DOCK10: variants seen among roughly 807,000 people sequenced by gnomAD.
DOCK10 encodes dedicator of cytokinesis 10.
In DOCK10, 145 loss-of-function variants were observed where a neutral mutation model predicts 280.1. The ratio of observed to expected loss-of-function variants is 0.52; its 90% CI spans 0.45 to 0.59. The LOEUF is 0.59. Ranked by LOEUF, DOCK10 falls within the 20% of genes least tolerant of loss-of-function variation. The pLI, the probability that DOCK10 is intolerant of heterozygous loss-of-function variation, is 0.00. For synonymous variants in DOCK10, 915 were observed against 942.2 expected (o/e 0.97, Z 0.53); for missense variants, 2,368 against 2,651.7 (o/e 0.89, Z 2.35).
chr2:224,844,305 T>A (rs1217919404), intron 22 of DOCK10, among the ~76,000 whole-genome samples: 1 of 152,090 alleles, frequency 6.6e-6, no homozygotes, highest in African/African-American at 2.4e-5. Context: ...TAATTTTGTA[T>A]TTTTAGTAGA....
rs1224130733 is a variant in DOCK10 at position 224,849,528 on chromosome 2, C to G, written c.2214G>C (p.Gln738His). 5 of 1,611,826 alleles carry G rather than the reference C, an allele frequency of 3.1e-6. No individual in the cohort carries two copies. The highest frequency in any genetic ancestry group is 4.2e-6 in the Non-Finnish European group (5 of 1,179,112). Residue 738 changes from glutamine (Q) to histidine (H), a missense_variant, in exon 19 of 56, where the codon CAG becomes CAC. By Grantham distance (24) the Gln-to-His change is conservative. This residue lies in a region of DOCK10 where 1,209 missense variants were observed against 1,250.9 expected (regional missense o/e 0.97). Transcript: ENST00000258390. ...AAYTAVLHHSQNPDFSDEVKI... is the reference protein window; with the variant it reads ...AAYTAVLHHSHNPDFSDEVKI... ...TTACCTCATCTGAGAAATCCGGATT[C>G]TGAGAGTGGTGCAGAACTGCTGTGT...
chr2:224,980,160 T>C (rs1330872179), intron 1 of DOCK10, among the ~76,000 whole-genome samples: 5 of 152,140 alleles, frequency 3.3e-5, no homozygotes, highest in Non-Finnish European at 5.9e-5. Flanking sequence ...TTTCTCAAAG[T>C]GTCATCCAAA....
At chr2:224,917,353 C>T (rs1469424197) in intron 2 of DOCK10, among the ~76,000 whole-genome samples, 3 of 151,956 alleles carry the variant, frequency 2.0e-5, no homozygotes, top group African/African-American at 4.8e-5. Flanking sequence ...GTAATCCACC[C>T]GCCTCGGCCT....
At chr2:224,957,231 G>GA (rs1202339938) in intron 1 of DOCK10, among the ~76,000 whole-genome samples, 1 of 149,654 alleles carries the variant, frequency 6.7e-6, no homozygotes, top group Non-Finnish European at 1.5e-5. Flanking sequence ...GGAGGGCAGG[G>GA]AAAAATCTCT....
chr2:224,855,780 C>T (rs1354080148), intron 15 of DOCK10, among the ~76,000 whole-genome samples: 2 of 152,204 alleles, frequency 1.3e-5, no homozygotes, highest in African/African-American at 4.8e-5. Context: ...TCAGAGTCAG[C>T]TCTTCTCAGC....
chr2:224,871,616 C>T (rs2125670805), intron 11 of DOCK10, among the ~76,000 whole-genome samples: 1 of 152,172 alleles, frequency 6.6e-6, no homozygotes, highest in East Asian at 1.9e-4. Flanking sequence ...CTTGGTATAC[C>T]CTTCACCTCC....
intron 2 of DOCK10, among the ~76,000 whole-genome samples, chr2:224,924,724 C>G (rs1386154215): frequency 6.6e-6 from 1 of 152,184 alleles, no homozygotes; most frequent in Non-Finnish European, 1.5e-5. Flanking sequence ...AGACCAGGGT[C>G]TCCACACACA....
At chr2:224,991,770 T>TA (rs553145411) in intron 1 of DOCK10, among the ~76,000 whole-genome samples, 2 of 151,948 alleles carry the variant, frequency 1.3e-5, no homozygotes, top group South Asian at 2.1e-4. Flanking sequence ...ATGGAAAACA[T>TA]AAAAAAAATC....
chr2:224,886,551 A>G lies in DOCK10; in HGVS notation c.417-20T>C. ...TCTGCTCTGATATTAAAAAAAAAAA[A>G]AGATTCTGATTTGTCATTGGAGACA... On this transcript the variant is annotated intron_variant, in intron 4 of 55. Coordinates refer to ENST00000258390, the MANE Select transcript of DOCK10 (RefSeq NM_014689.3). The G allele has an allele frequency of 6.3e-7, 1 of 1,576,512 alleles. No homozygotes were observed.
chr2:224,903,997 A>G (rs1013284877), intron 3 of DOCK10, among the ~76,000 whole-genome samples: 4 of 152,200 alleles, frequency 2.6e-5, no homozygotes, highest in African/African-American at 9.6e-5. Flanking sequence ...TAAATAATAC[A>G]TGCACTTGAA....
intron 50 of DOCK10, among the ~76,000 whole-genome samples, chr2:224,785,070 C>A (rs1287940569): frequency 7.3e-6 from 1 of 137,478 alleles, no homozygotes; most frequent in Non-Finnish European, 1.6e-5. Flanking sequence ...GCTCCCACAT[C>A]CCCTTCCCGA....
At chr2:224,878,392 G>C (rs1004527490) in intron 7 of DOCK10, among the ~76,000 whole-genome samples, 8 of 152,190 alleles carry the variant, frequency 5.3e-5, no homozygotes, top group Non-Finnish European at 1.5e-5. Flanking sequence ...TATATTGATA[G>C]CAAATGGTAG....
intron 1 of DOCK10, among the ~76,000 whole-genome samples, chr2:224,975,653 A>G (rs933006668): frequency 6.6e-6 from 1 of 152,238 alleles, no homozygotes; most frequent in Non-Finnish European, 1.5e-5. Context: ...CATAGTTTCC[A>G]TAGTATGTCC....
chr2:224,892,703 A>G (rs1699769840), intron 4 of DOCK10, among the ~76,000 whole-genome samples: 1 of 152,316 alleles, frequency 6.6e-6, no homozygotes, highest in Admixed American at 6.5e-5. Flanking sequence ...GAAACAGTGC[A>G]GGAGGGAGGG....
intron 4 of DOCK10, among the ~76,000 whole-genome samples, chr2:224,893,183 C>T (rs1400152959): frequency 6.6e-6 from 1 of 152,186 alleles, no homozygotes; most frequent in Non-Finnish European, 1.5e-5. Flanking sequence ...TAAATTCCCT[C>T]TCAGTTTCCG....
chr2:224,953,949 T>G (rs1378362607), intron 1 of DOCK10, among the ~76,000 whole-genome samples: 1 of 151,758 alleles, frequency 6.6e-6, no homozygotes, highest in Non-Finnish European at 1.5e-5. Flanking sequence ...GTGTGTGTGA[T>G]GCATGCTTAT....
intron 1 of DOCK10, among the ~76,000 whole-genome samples, chr2:224,983,003 G>A (rs1470419769): frequency 6.6e-6 from 1 of 152,140 alleles, no homozygotes; most frequent in Non-Finnish European, 1.5e-5. Context: ...GTGTTCCCCT[G>A]TGATTTCCTC....
At chr2:224,781,723 C>G (rs549539860) in intron 50 of DOCK10, among the ~76,000 whole-genome samples, 2 of 152,224 alleles carry the variant, frequency 1.3e-5, no homozygotes, top group Non-Finnish European at 2.9e-5. Context: ...TAAACACCTT[C>G]TTCTGCTCTG....
At position 224,807,709 on chromosome 2, in the gene DOCK10, G is replaced by T; in HGVS notation, c.3661C>A (p.Leu1221Met). The change falls in exon 33 of 56, where the codon CTG (leucine) becomes ATG (methionine). Residue 1221 changes from leucine to methionine, a missense_variant. By Grantham distance (15) the Leu-to-Met change is conservative (BLOSUM62 2). This residue lies in a region of DOCK10 where 1,159 missense variants were observed against 1,400.8 expected (regional missense o/e 0.83). Coordinates refer to ENST00000258390, the MANE Select transcript of DOCK10 (RefSeq NM_014689.3). ...MLLDNMPRIY[L>M]KDLYPFTVNT... ...ACAGTAAAAGGATACAGGTCCTTCA[G>T]ATAAATCCTTGGCATATTGTCCAGG... 6.4e-7 allele frequency: 1 copy of T among 1,572,316 alleles called. No homozygotes were observed. Among genetic ancestry groups the T allele is most frequent in the Non-Finnish European group, 8.6e-7 (1 of 1,157,046 alleles).
Sources: gnomAD v4.1 joint callset for allele counts (sites outside exome capture counted in the v4.1 genomes callset) on GRCh38, gnomAD v4.1.1 for gene constraint, gnomAD v4.1.1 regional missense constraint, MANE v1.5 for transcripts, NCBI Gene and HGNC (gene_info 2026-07-23, HGNC 2026-07-21) for gene names.